The following CBLC variants were observed in gnomAD, a reference collection of about 807,000 sequenced individuals.
The protein encoded by CBLC is Cbl proto-oncogene C, also known as E3 ubiquitin-protein ligase CBL-C.
CBLC carries 46 observed loss-of-function variants against 58.6 expected under a neutral mutation model. That is an observed-to-expected ratio of 0.79 (90% CI 0.62 to 1.00). The LOEUF (loss-of-function observed/expected upper bound fraction) is 1.00. Among genes scored for constraint, CBLC ranks in the 50% least tolerant of loss-of-function variants. CBLC has a pLI of 0.00. For synonymous variants in CBLC, 271 were observed against 264.2 expected, an observed-to-expected ratio of 1.03 and a Z score of -0.25; for missense variants, 655 against 625.8, an observed-to-expected ratio of 1.05 and a Z score of -0.50.
intron 5 of CBLC, among the ~76,000 whole-genome samples, chr19:44,784,767 T>C (rs1259901408): frequency 6.6e-6 from 1 of 152,000 alleles, no homozygotes; most frequent in East Asian, 1.9e-4. Flanking sequence ...GGTTTCGCCA[T>C]GCTGCCCAGG....
intron 5 of CBLC, among the ~76,000 whole-genome samples, chr19:44,786,550 G>A (rs546153464): frequency 4.0e-5 from 6 of 149,216 alleles, no homozygotes; most frequent in African/African-American, 9.8e-5. Flanking sequence ...AGCCGAGATC[G>A]TGCCACTGCA....
intron 5 of CBLC, among the ~76,000 whole-genome samples, chr19:44,786,623 A>G (rs1027459974): frequency 7.2e-5 from 11 of 152,008 alleles, no homozygotes; most frequent in Admixed American, 5.9e-4. Flanking sequence ...AAAAGAAAAA[A>G]AAATTGACAC....
At chr19:44,784,422 G>A in intron 5 of CBLC, 21 bp downstream of exon 5, 1 of 1,554,314 alleles carries the variant, frequency 6.4e-7, no homozygotes, top group South Asian at 1.1e-5. Context: ...ATTCTGGTAG[G>A]AGGAGGGTGT....
intron 5 of CBLC, among the ~76,000 whole-genome samples, chr19:44,788,613 G>A (rs186669342): frequency 1.7e-4 from 26 of 151,538 alleles, no homozygotes; most frequent in Non-Finnish European, 1.6e-4. Flanking sequence ...CCAAGTAGCT[G>A]TGATTACAGA....
chr19:44,781,419 T>C, intron 3 of CBLC, 56 bp downstream of exon 3: 1 of 1,537,818 alleles, frequency 6.5e-7, no homozygotes, highest in Non-Finnish European at 8.8e-7. Context: ...AGTAGAGGGC[T>C]GAATCCTGGA....
chr19:44,781,214 C>T lies in CBLC; in HGVS notation c.508C>T (p.Leu170=). 6.2e-7 allele frequency: 1 copy of T among 1,611,606 alleles called. No homozygotes were observed. The highest frequency in any genetic ancestry group is 8.5e-7 in the Non-Finnish European group (1 of 1,178,846). Residue 170 remains leucine (L), a synonymous_variant, in exon 3 of 11, where the codon CTG becomes TTG. Coordinates refer to ENST00000647358, the MANE Select transcript of CBLC (RefSeq NM_012116.4). The part of the protein sequence containing the change: ...WRESCGARCV[L]PWAEFESLLG... Reference sequence around the variant, plus strand: ...CACCCCTCTCCCACCCAGGTGTGTGCTGCCCTGGGCTGAGTTTGAGTCCCT... The same window carrying T: ...CACCCCTCTCCCACCCAGGTGTGTGTTGCCCTGGGCTGAGTTTGAGTCCCT...
At chr19:44,800,267 G>A (rs796350918) in intron 9 of CBLC, 114 bp from the exon 10 acceptor site, 2 of 715,852 alleles carry the variant, frequency 2.8e-6, no homozygotes, top group South Asian at 3.3e-5. Context: ...GCCACCTCCA[G>A]CCCCCAGGTG....
intron 9 of CBLC, among the ~76,000 whole-genome samples, chr19:44,798,312 T>G (rs2122515927): frequency 6.6e-6 from 1 of 152,286 alleles, no homozygotes; most frequent in East Asian, 1.9e-4. Flanking sequence ...GTGCTGGGAT[T>G]GCTGGCATTA....
rs1967720004 is a variant in CBLC at position 44,781,211 on chromosome 19, G to A, written c.505G>A (p.Val169Met). 6.2e-6 allele frequency: 10 copies of A among 1,611,508 alleles called. No homozygotes were observed. In the Admixed American group the frequency reaches 1.2e-4, roughly 19 times the overall value. The change falls in exon 3 of 11, where the codon GTG becomes ATG. Residue 169 changes from valine to methionine, a missense_variant. By Grantham distance (21) the Val-to-Met change is conservative. Around this residue, in one of 3 missense-constraint regions of CBLC, gnomAD observed 280 missense variants for 237.2 expected, o/e 1.18. Transcript: ENST00000647358. Reference sequence around the variant, plus strand: ...CCCCACCCCTCTCCCACCCAGGTGTGTGCTGCCCTGGGCTGAGTTTGAGTC... The same window carrying A: ...CCCCACCCCTCTCCCACCCAGGTGTATGCTGCCCTGGGCTGAGTTTGAGTC... Reference protein sequence around the residue: ...FWRESCGARCVLPWAEFESLL... With the variant: ...FWRESCGARCMLPWAEFESLL...
At chr19:44,796,013 G>A (rs957028867) in intron 9 of CBLC, among the ~76,000 whole-genome samples, 1 of 152,052 alleles carries the variant, frequency 6.6e-6, no homozygotes, top group African/African-American at 2.4e-5. Context: ...TCAGGAGTTC[G>A]AGACCAGCCT....
intron 1 of CBLC, 138 bp from the exon 2 acceptor site, chr19:44,780,767 C>G (rs1014587578): frequency 3.2e-5 from 29 of 895,540 alleles, no homozygotes; most frequent in Admixed American, 5.1e-5. Flanking sequence ...GCCACCACGC[C>G]CAGCAGGAAT....
At position 44,794,199 on chromosome 19, in the gene CBLC, C is replaced by A. The variant is rs77416350; in HGVS notation, c.1285-5C>A. 6.2e-7 allele frequency: 1 copy of A among 1,606,762 alleles called. No individual in the cohort carries two copies. ...GCCCCTTCTCCTTCCTCTGTCCCAC[C>A]CCAGGTGCCCCTTTCGGCTCCTCCA... On this transcript the variant is annotated splice_region_variant and splice_polypyrimidine_tract_variant and intron_variant, in intron 8 of 10. Transcript: ENST00000647358.
At position 44,778,278 on chromosome 19, in the gene CBLC, G is replaced by C; in HGVS notation, c.347G>C (p.Arg116Thr). The C allele has an allele frequency of 7.0e-7, 1 of 1,436,304 alleles. No individual in the cohort carries two copies. 89.0% of individuals were successfully genotyped at this position (1,436,304 alleles called of 1,614,324 possible). ...GACGAGCTCTTCCGGGCGGGCTCCAGACTCAGGTGAGCCTTCGCCCCAGAA... is the reference window on the plus strand; with the variant it reads ...GACGAGCTCTTCCGGGCGGGCTCCACACTCAGGTGAGCCTTCGCCCCAGAA... Reference protein sequence around the residue: ...ANDELFRAGSRLRRQLAKLAI... With the variant: ...ANDELFRAGSTLRRQLAKLAI... The change falls in exon 1 of 11, where the codon AGA (arginine) becomes ACA (threonine). Residue 116 changes from arginine to threonine, a missense_variant. Coordinates refer to ENST00000647358, the MANE Select transcript of CBLC (RefSeq NM_012116.4).
chr19:44,785,572 A>G (rs923739229), intron 5 of CBLC, among the ~76,000 whole-genome samples: 6 of 143,350 alleles, frequency 4.2e-5, no homozygotes, highest in African/African-American at 7.8e-5. Context: ...AGATAGATAG[A>G]TAGGCAGATA....
rs1211446487 is a variant in CBLC, at chr19:44,781,392, A to G, written c.657+29A>G. On this transcript the variant is annotated intron_variant, in intron 3 of 10. Coordinates refer to ENST00000647358, the MANE Select transcript of CBLC (RefSeq NM_012116.4). ...AGGGAAGGCCAAGGCTGGGAGCTAG[A>G]CTTGGGTCCAGGAGGAAGTAGAGGG... 7 of 1,597,012 alleles carry G rather than the reference A, an allele frequency of 4.4e-6. No individual in the cohort carries two copies. The East Asian group carries it at 1.6e-4, about 36-fold the overall frequency.
intron 9 of CBLC, among the ~76,000 whole-genome samples, 176 bp downstream of exon 9, chr19:44,794,457 C>CTTTTTTTT (rs200824891): frequency 2.6e-5 from 2 of 78,344 alleles, no homozygotes; most frequent in Non-Finnish European, 2.4e-5. Context: ...CTGGGACTTT[C>CTTTTTTTT]TTTTTTTTTT....
intron 5 of CBLC, among the ~76,000 whole-genome samples, chr19:44,788,032 A>G (rs1391907733): frequency 1.3e-5 from 2 of 150,610 alleles, no homozygotes; most frequent in Non-Finnish European, 3.0e-5. Flanking sequence ...GCTGGGCTCA[A>G]GCGACCCTCC....
chr19:44,785,625 T>G (rs1967883901), intron 5 of CBLC, among the ~76,000 whole-genome samples: 1 of 151,974 alleles, frequency 6.6e-6, no homozygotes, highest in South Asian at 2.1e-4. Flanking sequence ...ATTATTAATT[T>G]TTTAATATAT....
chr19:44,797,102 C>T (rs373559753), intron 9 of CBLC, among the ~76,000 whole-genome samples: 3 of 152,248 alleles, frequency 2.0e-5, no homozygotes, highest in Non-Finnish European at 2.9e-5. Context: ...CCATACCCTC[C>T]GCCTCCCCCA....
Sources: allele counts gnomAD v4.1 joint callset (sites outside exome capture counted in the v4.1 genomes callset), GRCh38; gene constraint gnomAD v4.1.1; regional missense constraint gnomAD v4.1.1; transcripts MANE v1.5; gene names NCBI Gene and HGNC (gene_info 2026-07-23, HGNC 2026-07-21).